The following OR2H1 variants were observed in gnomAD, a reference collection of about 807,000 sequenced individuals.
OR2H1 encodes olfactory receptor 2H1.
For synonymous variants in OR2H1, 155 were observed against 155.2 expected (o/e 1.00, Z 0.01); for missense variants, 380 against 367.3 (o/e 1.03, Z -0.28).
Position 29,462,133 on chromosome 6 carries a change from G to T in OR2H1, c.364G>T (p.Val122Leu). ...GACAGTGATGGCCTTTGACCGATAC[G>T]TGGCTGTCTGCCAGCCCCTCCACTA... is the stretch of plus-strand genomic sequence containing the variant. ...LLTVMAFDRY[V>L]AVCQPLHYAT... Residue 122 changes from valine to leucine, a missense_variant, in exon 4 of 4, where the codon GTG becomes TTG. Physicochemically the swap from Val to Leu is conservative, Grantham distance 32. Coordinates refer to ENST00000377133, the MANE Select transcript of OR2H1 (RefSeq NM_030883.5). 1 of 1,613,522 alleles carries T rather than the reference G, an allele frequency of 6.2e-7. No homozygotes were observed. The highest frequency in any genetic ancestry group is 8.5e-7 in the Non-Finnish European group (1 of 1,180,002).
Position 29,462,989 on chromosome 6 carries a change from T to C in OR2H1, c.*269T>C, listed in dbSNP as rs1474124276. 4.0e-6 allele frequency: 2 copies of C among 499,586 alleles called. No homozygotes were observed. Among genetic ancestry groups the C allele is most frequent in the Non-Finnish European group, 7.3e-6 (2 of 274,828 alleles). 30.9% of individuals were successfully genotyped at this position (499,586 alleles called of 1,614,324 possible). ...ATATTTCTATCCTCCATTCTGTTCT[T>C]TTTACTGTCATCACTTCTATAGATT... On this transcript the variant is annotated 3_prime_UTR_variant, in exon 4 of 4. Coordinates refer to ENST00000377133, the MANE Select transcript of OR2H1 (RefSeq NM_030883.5).
intron 1 of OR2H1, among the ~76,000 whole-genome samples, chr6:29,457,560 T>C (rs966656304): frequency 1.3e-5 from 2 of 152,204 alleles, no homozygotes; most frequent in Admixed American, 1.3e-4. Flanking sequence ...ATGGGCATGA[T>C]GAAATTTCTG....
intron 2 of OR2H1, 32 bp from the exon 3 acceptor site, chr6:29,460,372 A>ATTTTTTTTTTTTTT (rs10651941): frequency 8.6e-5 from 7 of 81,224 alleles, no homozygotes; most frequent in East Asian, 3.5e-4. Flanking sequence ...CACCCCGCTA[A>ATTTTTTTTTTTTTT]TTTTTTTTTT....
At chr6:29,458,210 G>C (rs115205033) in intron 1 of OR2H1, among the ~76,000 whole-genome samples, 2,268 of 152,302 alleles carry the variant, frequency 0.015, 28 homozygotes, top group African/African-American at 0.029. Flanking sequence ...CAGCCCACCT[G>C]GGTTAAAATT....
At chr6:29,459,401 C>T (rs1256821228) in intron 2 of OR2H1, among the ~76,000 whole-genome samples, 1 of 152,174 alleles carries the variant, frequency 6.6e-6, no homozygotes, top group South Asian at 2.1e-4. Flanking sequence ...CCATAAAATC[C>T]ATAGATGTGT....
Position 29,462,327 on chromosome 6 carries a change from C to T in OR2H1, c.558C>T (p.Ser186=). Reference sequence around the variant, plus strand: ...AGGTCCCATCTCTGATTCGACTCTCCTGTGGAGATACCTCCTACAATGAAA... The same window carrying T: ...AGGTCCCATCTCTGATTCGACTCTCTTGTGGAGATACCTCCTACAATGAAA... The part of the protein sequence containing the change: ...LCEVPSLIRL[S]CGDTSYNEIQ... Residue 186 remains serine (S), a synonymous_variant, in exon 4 of 4, where the codon TCC becomes TCT. Transcript: ENST00000377133. 4 of 1,613,180 alleles carry T rather than the reference C, an allele frequency of 2.5e-6. No homozygotes were observed. In the South Asian group the frequency reaches 3.3e-5, roughly 13 times the overall value.
intron 1 of OR2H1, among the ~76,000 whole-genome samples, chr6:29,458,149 T>C (rs1245254037): frequency 6.6e-6 from 1 of 152,240 alleles, no homozygotes; most frequent in East Asian, 1.9e-4. Flanking sequence ...CTCTAGCTCA[T>C]GTGTCTGGCA....
Position 29,461,888 on chromosome 6 carries a change from ACACACTCAT to A in OR2H1, c.122_130del (p.Thr41_Ile43del). 6.2e-7 allele frequency: 1 copy of A among 1,612,954 alleles called. No individual in the cohort carries two copies. The highest frequency in any genetic ancestry group is 8.5e-7 in the Non-Finnish European group (1 of 1,179,994). On this transcript the variant is annotated inframe_deletion, in exon 4 of 4. Transcript: ENST00000377133. ...TCCTACCTCTTGACCCTGGTGGGCA[ACACACTCAT>A]CATCCTGCTGTCTGTACTGTACCCC...
At position 29,463,009 on chromosome 6, in the gene OR2H1, T is replaced by C. The variant is rs539319486; in HGVS notation, c.*289T>C. ...GTTCTTTTTACTGTCATCACTTCTA[T>C]AGATTTCCTAACTCCACCATGCCTA... On this transcript the variant is annotated 3_prime_UTR_variant, in exon 4 of 4. Coordinates refer to ENST00000377133, the MANE Select transcript of OR2H1 (RefSeq NM_030883.5). 19 of 442,862 alleles carry C rather than the reference T, an allele frequency of 4.3e-5. No homozygotes were observed. In the South Asian group the frequency reaches 8.1e-4, roughly 19 times the overall value. The allele number at this position is 442,862 out of a possible 1,614,324, so 27.4% of individuals were successfully genotyped here.
chr6:29,463,377 T>C lies in OR2H1; in HGVS notation c.*657T>C, dbSNP rs996533996. On this transcript the variant is annotated 3_prime_UTR_variant, in exon 4 of 4. Coordinates refer to ENST00000377133, the MANE Select transcript of OR2H1 (RefSeq NM_030883.5). The stretch of plus-strand genomic sequence containing the variant: ...GCTGAAGAATATAATGAGGAATAGC[T>C]GGATTCTAGAACTGACTCCTCACCA... 2.4e-5 allele frequency: 4 copies of C among 167,588 alleles called. No homozygotes were observed. The highest frequency in any genetic ancestry group is 9.6e-5 in the African/African-American group (4 of 41,464). The allele number at this position is 167,588 out of a possible 1,614,324, so 10.4% of individuals were successfully genotyped here. A position where few individuals can be genotyped will look rare whatever the true frequency, so the allele number is the denominator to read the frequency against.
Position 29,463,673 on chromosome 6 carries a change from TA to T in OR2H1, c.*954del, listed in dbSNP as rs200727651. The T allele has an allele frequency of 7.3e-3, 1,224 of 167,246 alleles. 9 individuals carry two copies. Among genetic ancestry groups the T allele is most frequent in the Middle Eastern group, 0.01 (3 of 296 alleles). 10.4% of individuals were successfully genotyped at this position (167,246 alleles called of 1,614,324 possible). On this transcript the variant is annotated 3_prime_UTR_variant, in exon 4 of 4. Coordinates refer to ENST00000377133, the MANE Select transcript of OR2H1 (RefSeq NM_030883.5). ...ATTTCTGGTTCTTACCGTGTTAGCT[TA>T]GTTCATTCAAGCTACTATCACAAGC...
chr6:29,459,482 A>C (rs534903603), intron 2 of OR2H1, among the ~76,000 whole-genome samples: 1 of 152,332 alleles, frequency 6.6e-6, no homozygotes, highest in South Asian at 2.1e-4. Context: ...GGAGAGACGT[A>C]ATGATGGAGG....
Position 29,461,996 on chromosome 6 carries a change from T to C in OR2H1, c.227T>C (p.Val76Ala), listed in dbSNP as rs1233110456. The C allele has an allele frequency of 6.2e-7, 1 of 1,613,104 alleles. No homozygotes were observed. Among genetic ancestry groups the C allele is most frequent in the East Asian group, 2.2e-5 (1 of 44,876 alleles). The change falls in exon 4 of 4, where the codon GTC (valine) becomes GCC (alanine). Residue 76 changes from valine to alanine, a missense_variant. Val to Ala is a moderately conservative substitution (Grantham distance 64). Coordinates refer to ENST00000377133, the MANE Select transcript of OR2H1 (RefSeq NM_030883.5). ...FLDLCFTTSCVPQMLVNLWGP... is the reference protein window; with the variant it reads ...FLDLCFTTSCAPQMLVNLWGP... ...GACCTCTGCTTTACCACAAGTTGTGTCCCCCAGATGCTGGTCAACCTCTGG... is the reference window on the plus strand; with the variant it reads ...GACCTCTGCTTTACCACAAGTTGTGCCCCCCAGATGCTGGTCAACCTCTGG...
chr6:29,462,475 T>C lies in OR2H1; in HGVS notation c.706T>C (p.Phe236Leu), dbSNP rs1378621918. 1 of 1,613,096 alleles carries C rather than the reference T, an allele frequency of 6.2e-7. No homozygotes were observed. Among genetic ancestry groups the C allele is most frequent in the Non-Finnish European group, 8.5e-7 (1 of 1,180,028 alleles). The part of the protein sequence containing the change: ...INSATAWRKA[F>L]GTCSSHLTVV... ...CTCTGCCACAGCATGGAGAAAGGCC[T>C]TTGGGACCTGCTCCTCCCATCTCAC... Residue 236 changes from phenylalanine to leucine, a missense_variant, in exon 4 of 4, where the codon TTT (phenylalanine) becomes CTT (leucine). Coordinates refer to ENST00000377133, the MANE Select transcript of OR2H1 (RefSeq NM_030883.5).
rs779341945 is a variant in OR2H1 at position 29,462,497 on chromosome 6, T to G, written c.728T>G (p.Leu243Arg). Residue 243 changes from leucine to arginine, a missense_variant, in exon 4 of 4, where the codon CTC becomes CGC. Leu to Arg is a moderately radical substitution (Grantham distance 102). Coordinates refer to ENST00000377133, the MANE Select transcript of OR2H1 (RefSeq NM_030883.5). ...RKAFGTCSSHLTVVTLFYSSV... is the reference protein window; with the variant it reads ...RKAFGTCSSHRTVVTLFYSSV... Reference sequence around the variant, plus strand: ...GCCTTTGGGACCTGCTCCTCCCATCTCACTGTGGTCACCCTCTTCTACAGC... The same window carrying G: ...GCCTTTGGGACCTGCTCCTCCCATCGCACTGTGGTCACCCTCTTCTACAGC... The G allele has an allele frequency of 2.1e-5, 34 of 1,613,078 alleles. No homozygotes were observed. Among genetic ancestry groups the G allele is most frequent in the South Asian group, 1.6e-4 (15 of 91,082 alleles).
rs140422133 is a variant in OR2H1, at chr6:29,463,286, G to A, written c.*566G>A. The A allele has an allele frequency of 5.8e-6, 1 of 171,500 alleles. No homozygotes were observed. Among genetic ancestry groups the A allele is most frequent in the African/African-American group, 2.4e-5 (1 of 41,606 alleles). The allele number at this position is 171,500 out of a possible 1,614,324, so 10.6% of individuals were successfully genotyped here. On this transcript the variant is annotated 3_prime_UTR_variant, in exon 4 of 4. Coordinates refer to ENST00000377133, the MANE Select transcript of OR2H1 (RefSeq NM_030883.5). ...TCCCTGGGAGTATGTCATGTGACAA[G>A]TCTTTACTGTCTCCCAGGTTTTGGA...
In OR2H1 at chr6:29,463,226, C is replaced by A. The variant is rs1212962747; in HGVS notation, c.*506C>A. On this transcript the variant is annotated 3_prime_UTR_variant, in exon 4 of 4. Coordinates refer to ENST00000377133, the MANE Select transcript of OR2H1 (RefSeq NM_030883.5). ...GAGAGGATGGGAGGCCCTTTAGAAC[C>A]TGCCTCAATGCCATCTCTCACTCTC... is the stretch of plus-strand genomic sequence containing the variant. The A allele has an allele frequency of 1.1e-5, 2 of 174,884 alleles. No individual in the cohort carries two copies. Among genetic ancestry groups the A allele is most frequent in the African/African-American group, 4.8e-5 (2 of 41,510 alleles). The allele number at this position is 174,884 out of a possible 1,614,324, so 10.8% of individuals were successfully genotyped here.
At chr6:29,459,297 A>G (rs1371729757) in intron 2 of OR2H1, among the ~76,000 whole-genome samples, 1 of 152,230 alleles carries the variant, frequency 6.6e-6, no homozygotes, top group Non-Finnish European at 1.5e-5. Context: ...AGATGTGATC[A>G]GGGAGGAGAA....
rs181659396 is a variant in OR2H1 at position 29,458,112 on chromosome 6, A to C, written c.-442-342A>C. ...ACTGGATTGAGGAAAAGAAGTCGTTAGCAAGAGTTCCATAGTAAAGCGCTA... is the reference window on the plus strand; with the variant it reads ...ACTGGATTGAGGAAAAGAAGTCGTTCGCAAGAGTTCCATAGTAAAGCGCTA... On this transcript the variant is annotated intron_variant, in intron 1 of 3. Transcript: ENST00000377133. Among the ~76,000 whole-genome samples the C allele has an allele frequency of 1.4e-3, 207 of 152,334 alleles. 5 individuals are homozygous for C. In the East Asian group the frequency reaches 0.021, roughly 15 times the overall value.
Sources: gnomAD v4.1 joint callset for allele counts (sites outside exome capture counted in the v4.1 genomes callset) on GRCh38, gnomAD v4.1.1 for gene constraint, MANE v1.5 for transcripts, NCBI Gene and HGNC (gene_info 2026-07-23, HGNC 2026-07-21) for gene names.